The following ASIC4 variants were observed in gnomAD, a reference collection of about 807,000 sequenced individuals.
The protein encoded by ASIC4 is acid sensing ion channel subunit family member 4.
In ASIC4, 28 loss-of-function variants were observed where a neutral mutation model predicts 53.4. The ratio of observed to expected loss-of-function variants is 0.52; its 90% CI spans 0.39 to 0.72. The LOEUF is 0.72. ASIC4 is among the 30% of genes least tolerant of loss of function. The pLI, the probability that ASIC4 is intolerant of heterozygous loss-of-function variation, is 0.00. For synonymous variants in ASIC4, 289 were observed against 301.4 expected (o/e 0.96, Z 0.43); for missense variants, 649 against 729.7 (o/e 0.89, Z 1.27).
chr2:219,531,172 G>A (rs953881226), intron 1 of ASIC4, among the ~76,000 whole-genome samples: 2 of 151,060 alleles, frequency 1.3e-5, no homozygotes, highest in Non-Finnish European at 2.9e-5. Context: ...AACATAGAAA[G>A]ACCCTGTCTC....
upstream of ASIC4, among the ~76,000 whole-genome samples, chr2:219,509,822 C>T (rs892720176): frequency 3.9e-5 from 6 of 152,246 alleles, no homozygotes; most frequent in South Asian, 2.1e-4. This position sits in a 1 kb window ranked among gnomAD's most constrained non-coding sequence, Gnocchi z 5.2. Context: ...CAGCGCTGAT[C>T]GCTGCGGCAC....
the ASIC4 span, among the ~76,000 whole-genome samples, chr2:219,507,566 A>T: frequency 6.6e-6 from 1 of 151,902 alleles, no homozygotes; most frequent in Non-Finnish European, 1.5e-5. Context: ...CTGTTCTGGG[A>T]AGGCCCTCAC....
chr2:219,510,081 C>T (rs1478457947), upstream of ASIC4, among the ~76,000 whole-genome samples: 1 of 152,002 alleles, frequency 6.6e-6, no homozygotes, highest in Non-Finnish European at 1.5e-5. The surrounding 1 kb of genome is among the most constrained non-coding windows in gnomAD (Gnocchi z 5.2). Flanking sequence ...TCTCTCCTCT[C>T]CCCGTCGATG....
At chr2:219,514,480 T>A (rs80024922), upstream of ASIC4, 2 of 1,550,196 alleles carry the variant, frequency 1.3e-6, no homozygotes, top group Admixed American at 2.0e-5. Flanking sequence ...AAGGAGACGA[T>A]CGAGGAGAGA....
rs758791704 is a variant in ASIC4, at chr2:219,537,955, G to A, written c.1529G>A (p.Arg510Gln). 56 of 1,611,106 alleles carry A rather than the reference G, an allele frequency of 3.5e-5. No individual in the cohort carries two copies. Among genetic ancestry groups the A allele is most frequent in the Non-Finnish European group, 4.1e-5 (48 of 1,178,828 alleles). The change falls in exon 10 of 10, where the codon CGA becomes CAA. Residue 510 changes from arginine (R) to glutamine (Q), a missense_variant. Physicochemically the swap from Arg to Gln is conservative, Grantham distance 43 (BLOSUM62 1). Transcript: ENST00000358078. The surrounding 1 kb of genome is among the most constrained non-coding windows in gnomAD (Gnocchi z 4.9). ...KEQSPCPSRG[R>Q]VEGGGVSSLL... is the part of the protein sequence containing the mutation. ...CAGAGTCCCTGCCCGAGCCGGGGCCGAGTGGAGGGTGGGGGGGTCAGCAGT... is the reference window on the plus strand; with the variant it reads ...CAGAGTCCCTGCCCGAGCCGGGGCCAAGTGGAGGGTGGGGGGGTCAGCAGT...
At chr2:219,534,432 C>T (rs533478910) in intron 5 of ASIC4, among the ~76,000 whole-genome samples, 2 of 152,372 alleles carry the variant, frequency 1.3e-5, no homozygotes, top group African/African-American at 4.8e-5. Context: ...TCCGAGAGGG[C>T]TGACTGACAG....
intron 1 of ASIC4, among the ~76,000 whole-genome samples, chr2:219,522,211 G>A (rs1694896499): frequency 6.6e-6 from 1 of 152,232 alleles, no homozygotes; most frequent in African/African-American, 2.4e-5. Flanking sequence ...GTTCAGAGAG[G>A]AGCCACGGGA....
At chr2:219,533,284 C>T (rs1359627470) in intron 5 of ASIC4, 6 of 421,832 alleles carry the variant, frequency 1.4e-5, no homozygotes, top group African/African-American at 2.0e-5. Flanking sequence ...TGCTGGCTAT[C>T]GGTGTGGGTA....
At chr2:219,520,162 C>T (rs1225360411) in intron 1 of ASIC4, among the ~76,000 whole-genome samples, 1 of 152,204 alleles carries the variant, frequency 6.6e-6, no homozygotes, top group African/African-American at 2.4e-5. Context: ...GGTCTCCCTC[C>T]CCCTCCCGAC....
chr2:219,532,745 G>T, intron 4 of ASIC4, 138 bp from the exon 5 acceptor site: 4 of 915,990 alleles, frequency 4.4e-6, no homozygotes, highest in South Asian at 1.6e-5. Context: ...TATTTGTGGG[G>T]GTTGTGTGTG....
intron 2 of ASIC4, 42 bp from the exon 3 acceptor site, chr2:219,531,959 G>T (rs569648325): frequency 8.7e-6 from 14 of 1,613,158 alleles, no homozygotes; most frequent in Non-Finnish European, 1.1e-5. Flanking sequence ...TGGGCCCTCT[G>T]CCTGGGATGG....
At chr2:219,534,138 A>T (rs998214434) in intron 5 of ASIC4, 1 of 147,018 alleles carries the variant, frequency 6.8e-6, no homozygotes, top group African/African-American at 2.6e-5. Context: ...ATAGGAGGGG[A>T]GGAGACTCAA....
intron 1 of ASIC4, among the ~76,000 whole-genome samples, chr2:219,527,736 T>G (rs746088344): frequency 3.1e-4 from 47 of 152,232 alleles, no homozygotes; most frequent in Non-Finnish European, 6.3e-4. Flanking sequence ...TTAGCTCATA[T>G]GGGTTTCTTG....
chr2:219,512,339 T>C (rs1694712917), upstream of ASIC4, among the ~76,000 whole-genome samples: 1 of 152,114 alleles, frequency 6.6e-6, no homozygotes, highest in Admixed American at 6.5e-5. Flanking sequence ...CAATAGATGG[T>C]GGGTGAATTT....
At chr2:219,508,528 C>G in the ASIC4 span, among the ~76,000 whole-genome samples, 6 of 151,986 alleles carry the variant, frequency 3.9e-5, no homozygotes, top group African/African-American at 1.4e-4. Context: ...AACATGCCCC[C>G]GAGATTGAAG....
At chr2:219,530,102 T>C (rs1695017277) in intron 1 of ASIC4, among the ~76,000 whole-genome samples, 1 of 152,070 alleles carries the variant, frequency 6.6e-6, no homozygotes. Context: ...CAGTGGGAAA[T>C]GTTCCCAAGG....
chr2:219,516,124 CCTCT>C lies in ASIC4; in HGVS notation c.582+822_582+825del, dbSNP rs925879915. ...GGGGGACACAGTTTCCTGCACACTC[CCTCT>C]CTCACTCACTGTCCCTGTCACTACA... On this transcript the variant is annotated intron_variant, in intron 1 of 9. Coordinates refer to ENST00000358078, the MANE Select transcript of ASIC4 (RefSeq NM_018674.6). This position sits in a 1 kb window ranked among gnomAD's most constrained non-coding sequence, Gnocchi z 4.9. Among the ~76,000 whole-genome samples, 14 of 152,172 alleles carry C rather than the reference CCTCT, an allele frequency of 9.2e-5. No homozygotes were observed. The highest frequency in any genetic ancestry group is 2.1e-4 in the South Asian group (1 of 4,822).
upstream of ASIC4, among the ~76,000 whole-genome samples, chr2:219,510,135 C>G (rs1694682459): frequency 6.6e-6 from 1 of 152,054 alleles, no homozygotes. This position sits in a 1 kb window ranked among gnomAD's most constrained non-coding sequence, Gnocchi z 5.2. Context: ...CTTCACAGCC[C>G]TCACTTTTCC....
intron 1 of ASIC4, among the ~76,000 whole-genome samples, chr2:219,521,784 G>T (rs1217028513): frequency 6.6e-6 from 1 of 152,180 alleles, no homozygotes; most frequent in Admixed American, 6.5e-5. Flanking sequence ...GGCTGGCCCT[G>T]CAGCCCACCT....
Sources: allele counts gnomAD v4.1 joint callset (sites outside exome capture counted in the v4.1 genomes callset), GRCh38; gene constraint gnomAD v4.1.1; non-coding constraint Gnocchi (gnomAD v3.1); transcripts MANE v1.5; gene names NCBI Gene and HGNC (gene_info 2026-07-23, HGNC 2026-07-21).